The following TMEM30A variants were observed in gnomAD, a reference collection of about 807,000 sequenced individuals.
The protein encoded by TMEM30A is cell cycle control protein 50A.
Under a neutral mutation model 38.2 loss-of-function variants are expected in TMEM30A, and 24 were observed. The observed-to-expected ratio is 0.63, with a 90% CI of 0.46 to 0.88. The LOEUF (loss-of-function observed/expected upper bound fraction) is 0.88, where lower values mean the gene tolerates loss of function less well. Among genes scored for constraint, TMEM30A ranks in the 40% least tolerant of loss-of-function variants. TMEM30A has a pLI of 0.00. For synonymous variants in TMEM30A, 145 were observed against 161.6 expected (o/e 0.90, Z 0.78); for missense variants, 370 against 458.6 (o/e 0.81, Z 1.77).
chr6:75,268,216 G>T (rs1487164972), intron 1 of TMEM30A, among the ~76,000 whole-genome samples: 1 of 152,128 alleles, frequency 6.6e-6, no homozygotes, highest in South Asian at 2.1e-4. Flanking sequence ...TGCTGAATTT[G>T]TCTTTGTCTT....
Position 75,262,367 on chromosome 6 carries a change from G to A in TMEM30A, c.454-1456C>T, listed in dbSNP as rs575456666. 5.3e-5 allele frequency among the ~76,000 whole-genome samples: 8 copies of A among 151,720 alleles called. No homozygotes were observed. The East Asian group carries it at 9.7e-4, about 18-fold the overall frequency. On this transcript the variant is annotated intron_variant, in intron 3 of 6. Coordinates refer to ENST00000230461, the MANE Select transcript of TMEM30A (RefSeq NM_018247.4). ...TCTCAGAAAAAAACAAAAACAAGCCGGGCACAGTGGTTCACGCCTGTAATC... is the reference window on the plus strand; with the variant it reads ...TCTCAGAAAAAAACAAAAACAAGCCAGGCACAGTGGTTCACGCCTGTAATC...
chr6:75,281,239 C>A (rs1293806278), intron 1 of TMEM30A, among the ~76,000 whole-genome samples: 1 of 152,060 alleles, frequency 6.6e-6, no homozygotes, highest in East Asian at 1.9e-4. Flanking sequence ...TTAAGAATAA[C>A]CTCACTATAT....
Position 75,284,547 on chromosome 6 carries a change from G to A in TMEM30A, c.92C>T (p.Thr31Met), listed in dbSNP as rs1222398725. The A allele has an allele frequency of 6.2e-7, 1 of 1,612,548 alleles. No individual in the cohort carries two copies. Residue 31 changes from threonine (T) to methionine (M), a missense_variant, in exon 1 of 7, where the codon ACG (threonine) becomes ATG (methionine). Transcript: ENST00000230461. The stretch of plus-strand genomic sequence containing the variant: ...TGGCAGCCGTTGCTGTTTGAAGGCC[G>A]TGTTATCCGGTCTCCGAGTCTTCGC... ...GTAKTRRPDN[T>M]AFKQQRLPAW...
intron 2 of TMEM30A, among the ~76,000 whole-genome samples, chr6:75,266,571 C>T (rs140701405): frequency 3.8e-4 from 58 of 152,286 alleles, no homozygotes; most frequent in African/African-American, 1.3e-3. Context: ...AACACAGAGT[C>T]CACAAGAGAA....
intron 6 of TMEM30A, among the ~76,000 whole-genome samples, chr6:75,258,255 TAG>T (rs1771902110): frequency 6.6e-6 from 1 of 152,220 alleles, no homozygotes; most frequent in African/African-American, 2.4e-5. Flanking sequence ...AACACATAGT[TAG>T]AGTGGAATAA....
At position 75,265,260 on chromosome 6, in the gene TMEM30A, G is replaced by A; in HGVS notation, c.424C>T (p.Gln142Ter). Residue 142 changes from glutamine to a stop codon, truncating the protein, a stop_gained, in exon 3 of 7, where the codon CAA (glutamine) becomes TAA (stop). Coordinates refer to ENST00000230461, the MANE Select transcript of TMEM30A (RefSeq NM_018247.4). LOFTEE classifies it high-confidence loss of function. ...RRYVKSRDDS[Q>*]LNGDSSALLN... ...AAAGCACTAGAATCTCCATTTAGTT[G>A]ACTATCATCTCGAGATTTCACGTAA... The A allele has an allele frequency of 6.2e-7, 1 of 1,609,606 alleles. No homozygotes were observed. The highest frequency in any genetic ancestry group is 8.5e-7 in the Non-Finnish European group (1 of 1,177,182).
chr6:75,271,265 C>G (rs1171400114), intron 1 of TMEM30A, among the ~76,000 whole-genome samples: 2 of 151,814 alleles, frequency 1.3e-5, no homozygotes, highest in African/African-American at 2.4e-5. Context: ...TTTAACTGAA[C>G]AAAAATAATC....
rs1582271608 is a variant in TMEM30A at position 75,254,505 on chromosome 6, A to G, written c.*1597T>C. 6.6e-6 allele frequency: 1 copy of G among 152,194 alleles called. No homozygotes were observed. The highest frequency in any genetic ancestry group is 1.5e-5 in the Non-Finnish European group (1 of 67,996). 9.4% of individuals were successfully genotyped at this position (152,194 alleles called of 1,614,324 possible). On this transcript the variant is annotated 3_prime_UTR_variant, in exon 7 of 7. Coordinates refer to ENST00000230461, the MANE Select transcript of TMEM30A (RefSeq NM_018247.4). ...ATATTTTTACCAGTTAAAAGTCATT[A>G]TGAAACACACATTCTTTTAACTGAA...
chr6:75,268,422 G>T (rs777499911), intron 1 of TMEM30A, among the ~76,000 whole-genome samples: 10 of 152,306 alleles, frequency 6.6e-5, no homozygotes, highest in Non-Finnish European at 1.3e-4. Context: ...GGAAAGTGGG[G>T]CTAAAAATTT....
intron 4 of TMEM30A, 96 bp from the exon 5 acceptor site, chr6:75,259,586 CA>C (rs1771930488): frequency 8.6e-7 from 1 of 1,160,604 alleles, no homozygotes; most frequent in African/African-American, 1.6e-5. Context: ...TATTTGTTTC[CA>C]AAAGTGGTTG....
intron 1 of TMEM30A, among the ~76,000 whole-genome samples, chr6:75,268,076 C>T (rs531734143): frequency 6.6e-6 from 1 of 152,266 alleles, no homozygotes; most frequent in South Asian, 2.1e-4. Context: ...ACTAGATTAA[C>T]AGAGATCAAT....
At chr6:75,259,739 AT>A (rs947038648) in intron 4 of TMEM30A, among the ~76,000 whole-genome samples, 4 of 152,186 alleles carry the variant, frequency 2.6e-5, no homozygotes, top group Non-Finnish European at 5.9e-5. Context: ...ATGCAGTAAG[AT>A]CAAATGTTTT....
At chr6:75,275,831 A>G (rs545258141) in intron 1 of TMEM30A, among the ~76,000 whole-genome samples, 1 of 152,214 alleles carries the variant, frequency 6.6e-6, no homozygotes, top group East Asian at 1.9e-4. Flanking sequence ...CTCCTAAAAA[A>G]AACTCTTACA....
At chr6:75,270,041 T>A (rs1208223003) in intron 1 of TMEM30A, among the ~76,000 whole-genome samples, 1 of 152,150 alleles carries the variant, frequency 6.6e-6, no homozygotes, top group South Asian at 2.1e-4. Context: ...CCTGACCTCG[T>A]GATCCACCTG....
chr6:75,283,046 T>C (rs376253811), intron 1 of TMEM30A, among the ~76,000 whole-genome samples: 82 of 152,124 alleles, frequency 5.4e-4, no homozygotes, highest in African/African-American at 1.9e-3. Flanking sequence ...CTAAAATACA[T>C]GCTGAAAAAA....
chr6:75,264,492 C>T (rs971089934), intron 3 of TMEM30A, among the ~76,000 whole-genome samples: 11 of 151,834 alleles, frequency 7.2e-5, no homozygotes, highest in Non-Finnish European at 1.6e-4. Context: ...AAAAATTAGC[C>T]GGGCTTGGTG....
intron 1 of TMEM30A, chr6:75,284,199 C>T: frequency 4.8e-6 from 3 of 618,784 alleles, no homozygotes; most frequent in Non-Finnish European, 8.6e-6. Context: ...AAATCTCGAG[C>T]AAGACAAAGC....
intron 1 of TMEM30A, among the ~76,000 whole-genome samples, chr6:75,274,753 G>A (rs1476589447): frequency 6.6e-6 from 1 of 152,024 alleles, no homozygotes; most frequent in African/African-American, 2.4e-5. Context: ...GCCGGGCGCG[G>A]TGGCTCACAC....
chr6:75,280,889 A>C (rs1772345617), intron 1 of TMEM30A, among the ~76,000 whole-genome samples: 1 of 152,150 alleles, frequency 6.6e-6, no homozygotes, highest in African/African-American at 2.4e-5. Flanking sequence ...ACAGATGAGA[A>C]ATTTAATCTC....
Sources: gnomAD v4.1 joint callset for allele counts (sites outside exome capture counted in the v4.1 genomes callset) on GRCh38, gnomAD v4.1.1 for gene constraint, MANE v1.5 for transcripts, NCBI Gene and HGNC (gene_info 2026-07-23, HGNC 2026-07-21) for gene names.